PTPN4: variants seen among roughly 807,000 people sequenced by gnomAD.
The protein encoded by PTPN4 is tyrosine-protein phosphatase non-receptor type 4.
A neutral mutation model predicts 135.5 loss-of-function variants in PTPN4; 49 were observed. The ratio of observed to expected loss-of-function variants is 0.36; its 90% CI spans 0.29 to 0.46. The LOEUF (loss-of-function observed/expected upper bound fraction) is 0.46. Ranked by LOEUF, PTPN4 falls within the 20% of genes least tolerant of loss-of-function variation. The pLI, the probability that PTPN4 is intolerant of heterozygous loss-of-function variation, is 1.00. For synonymous variants in PTPN4, 333 were observed against 369.9 expected (o/e 0.90, Z 1.14); for missense variants, 860 against 1,101.0 (o/e 0.78, Z 3.10).
intron 1 of PTPN4, among the ~76,000 whole-genome samples, chr2:119,805,818 A>C (rs1383729767): frequency 1.3e-5 from 2 of 152,214 alleles, no homozygotes; most frequent in African/African-American, 4.8e-5. Context: ...TTCTGCAAAG[A>C]AAATCATTGT....
At chr2:119,908,160 A>T (rs747057185) in intron 10 of PTPN4, among the ~76,000 whole-genome samples, 93 of 152,210 alleles carry the variant, frequency 6.1e-4, no homozygotes, top group Non-Finnish European at 1.1e-3. Flanking sequence ...TATAGAGACA[A>T]CCTATAGAAC....
intron 24 of PTPN4, among the ~76,000 whole-genome samples, chr2:119,964,053 G>C (rs1376965599): frequency 1.3e-5 from 2 of 152,206 alleles, no homozygotes; most frequent in African/African-American, 2.4e-5. Context: ...AATGATAGCA[G>C]ATACTACCTC....
chr2:119,944,962 T>A, intron 15 of PTPN4, 119 bp from the exon 16 acceptor site: 1 of 844,386 alleles, frequency 1.2e-6, no homozygotes, highest in East Asian at 3.3e-5. Flanking sequence ...AAGTGGCACT[T>A]CCAAATAAAT....
At chr2:119,779,423 C>G (rs1376335394) in intron 1 of PTPN4, among the ~76,000 whole-genome samples, 7 of 152,082 alleles carry the variant, frequency 4.6e-5, no homozygotes, top group Admixed American at 1.3e-4. Context: ...TGAGACTGTC[C>G]TGGCTAACAC....
chr2:119,823,769 C>G (rs1026183465), intron 2 of PTPN4, among the ~76,000 whole-genome samples: 2 of 152,116 alleles, frequency 1.3e-5, no homozygotes, highest in African/African-American at 4.8e-5. Context: ...CCTTGGTGAG[C>G]CTTTATGAGT....
chr2:119,772,161 C>G (rs563170153), intron 1 of PTPN4, among the ~76,000 whole-genome samples: 70 of 152,286 alleles, frequency 4.6e-4, no homozygotes, highest in African/African-American at 1.6e-3. Flanking sequence ...TCTAATTTAT[C>G]TTACTGTTTC....
chr2:119,823,794 A>G lies in PTPN4; in HGVS notation c.138+13803A>G, dbSNP rs72836819. 4.2e-3 allele frequency among the ~76,000 whole-genome samples: 639 copies of G among 152,244 alleles called. 2 individuals carry two copies. Among genetic ancestry groups the G allele is most frequent in the Non-Finnish European group, 6.3e-3 (426 of 68,004 alleles). On this transcript the variant is annotated intron_variant, in intron 2 of 26. Transcript: ENST00000263708. ...CCTTTATGAGTGCCGTTTTCTTCCA[A>G]TAGAATCTGTTGAAAGAGATGTTGC...
chr2:119,878,214 CTTGATTA>C (rs1678014421), intron 5 of PTPN4, among the ~76,000 whole-genome samples: 1 of 151,966 alleles, frequency 6.6e-6, no homozygotes, highest in Non-Finnish European at 1.5e-5. Context: ...TGATAATGTT[CTTGATTA>C]TAGGGTGAAA....
intron 18 of PTPN4, among the ~76,000 whole-genome samples, chr2:119,947,539 A>C (rs954500547): frequency 6.6e-6 from 1 of 152,168 alleles, no homozygotes; most frequent in Non-Finnish European, 1.5e-5. Flanking sequence ...ACACAAAACT[A>C]AAGAGCATGA....
At chr2:119,947,300 G>C (rs1264636251) in intron 18 of PTPN4, among the ~76,000 whole-genome samples, 1 of 152,292 alleles carries the variant, frequency 6.6e-6, no homozygotes, top group East Asian at 1.9e-4. Flanking sequence ...CAGCCTGAGA[G>C]AGGGAGGCCA....
intron 1 of PTPN4, among the ~76,000 whole-genome samples, chr2:119,782,862 C>T (rs1301937607): frequency 7.2e-6 from 1 of 138,266 alleles, no homozygotes; most frequent in African/African-American, 2.9e-5. Context: ...TGTACCACTA[C>T]TCCCGGCTAA....
At chr2:119,763,890 G>A (rs1301989215) in intron 1 of PTPN4, among the ~76,000 whole-genome samples, 1 of 152,148 alleles carries the variant, frequency 6.6e-6, no homozygotes, top group Non-Finnish European at 1.5e-5. Flanking sequence ...AATCTGAGTT[G>A]TAGTATTTAA....
intron 18 of PTPN4, among the ~76,000 whole-genome samples, chr2:119,951,263 AAC>A (rs1306497783): frequency 2.0e-5 from 3 of 152,160 alleles, no homozygotes; most frequent in African/African-American, 7.2e-5. Flanking sequence ...TCTCTCCAAC[AAC>A]AGTGTTAACA....
At chr2:119,814,362 T>C (rs1231713396) in intron 2 of PTPN4, among the ~76,000 whole-genome samples, 1 of 152,208 alleles carries the variant, frequency 6.6e-6, no homozygotes, top group East Asian at 1.9e-4. Context: ...AGAGTCCTTC[T>C]GGTTCATTTT....
chr2:119,883,445 T>C (rs1249260726), intron 8 of PTPN4, among the ~76,000 whole-genome samples: 2 of 152,176 alleles, frequency 1.3e-5, no homozygotes, highest in Non-Finnish European at 1.5e-5. Flanking sequence ...TTCATTCAAC[T>C]TTGATTTTTT....
In PTPN4 at chr2:119,759,986, T is replaced by C. The variant is rs901936408; in HGVS notation, c.-416T>C. The stretch of plus-strand genomic sequence containing the variant: ...CGCTCCTCGCGCCCCACCACCAACA[T>C]TGTTCTCTCAGGACTCCTGGGTCCC... On this transcript the variant is annotated 5_prime_UTR_variant, in exon 1 of 27. Transcript: ENST00000263708. 5.9e-5 allele frequency: 22 copies of C among 370,236 alleles called. No individual in the cohort carries two copies. The highest frequency in any genetic ancestry group is 2.4e-4 in the East Asian group (6 of 25,334). 22.9% of individuals were successfully genotyped at this position (370,236 alleles called of 1,614,324 possible).
At chr2:119,770,878 CTTTTTTTT>C (rs11302568) in intron 1 of PTPN4, among the ~76,000 whole-genome samples, 1 of 138,974 alleles carries the variant, frequency 7.2e-6, no homozygotes, top group African/African-American at 2.6e-5. Flanking sequence ...AAGGGTCTAA[CTTTTTTTT>C]TTTTTTTTTT....
intron 26 of PTPN4, among the ~76,000 whole-genome samples, chr2:119,969,144 T>C (rs1332644220): frequency 2.0e-5 from 3 of 152,012 alleles, no homozygotes; most frequent in Admixed American, 6.6e-5. Context: ...CCACCTCAGC[T>C]GGGACTACAG....
Position 119,882,581 on chromosome 2 carries a change from A to C in PTPN4, c.545A>C (p.Gln182Pro). The C allele has an allele frequency of 6.4e-7, 1 of 1,563,588 alleles. No homozygotes were observed. The highest frequency in any genetic ancestry group is 8.7e-7 in the Non-Finnish European group (1 of 1,146,180). Residue 182 changes from glutamine (Q) to proline (P), a missense_variant, in exon 8 of 27, where the codon CAA (glutamine) becomes CCA (proline). Coordinates refer to ENST00000263708, the MANE Select transcript of PTPN4 (RefSeq NM_002830.4). The stretch of plus-strand genomic sequence containing the variant: ...TATTCTTTCATTCCTAATCAACCTC[A>C]AGATTTTGAAAAAGAAATTGCAAAA... Reference protein sequence around the residue: ...SDYSFIPNQPQDFEKEIAKLH... With the variant: ...SDYSFIPNQPPDFEKEIAKLH...
Sources: gnomAD v4.1 joint callset for allele counts (sites outside exome capture counted in the v4.1 genomes callset) on GRCh38, gnomAD v4.1.1 for gene constraint, MANE v1.5 for transcripts, NCBI Gene and HGNC (gene_info 2026-07-23, HGNC 2026-07-21) for gene names.